Variants in VILL observed in about 807,000 individuals in gnomAD.
The protein encoded by VILL is villin like.
Under a neutral mutation model 106.3 loss-of-function variants are expected in VILL, and 102 were observed. The ratio of observed to expected loss-of-function variants is 0.96; its 90% CI spans 0.82 to 1.13. VILL has a LOEUF of 1.13. VILL is among the 50% of genes most tolerant of loss of function. The probability of loss-of-function intolerance (pLI) is 0.00; values close to 1 mark genes in which losing one functional copy is unlikely to be tolerated. For missense variants in VILL, 1,076 were observed against 1,116.6 expected (o/e 0.96, Z 0.52); for synonymous variants, 431 against 440.3 (o/e 0.98, Z 0.27).
In VILL at chr3:38,002,467, C is replaced by T. The variant is rs1699836053; in HGVS notation, c.1551C>T (p.Asp517=). 3.1e-6 allele frequency: 5 copies of T among 1,614,052 alleles called. No homozygotes were observed. The highest frequency in any genetic ancestry group is 4.2e-6 in the Non-Finnish European group (5 of 1,180,008). The stretch of plus-strand genomic sequence containing the variant: ...GGCTTTTCCAAGTGCAAGGCACTGA[C>T]AGCCACAACACCAGGACCATGGAGG... The part of the protein sequence containing the change: ...TTRLFQVQGT[D]SHNTRTMEVP... Residue 517 remains aspartate (D), a synonymous_variant, in exon 14 of 20, where the codon GAC becomes GAT. Coordinates refer to ENST00000383759, the MANE Select transcript of VILL (RefSeq NM_015873.4).
chr3:38,006,574 T>G lies in VILL; in HGVS notation c.2331T>G (p.Ala777=). The G allele has an allele frequency of 1.2e-6, 2 of 1,614,152 alleles. No homozygotes were observed. The highest frequency in any genetic ancestry group is 1.7e-6 in the Non-Finnish European group (2 of 1,180,022). The change falls in exon 19 of 20, where the codon GCT becomes GCG. Residue 777 remains alanine (A), a synonymous_variant. Transcript: ENST00000383759. Reference sequence around the variant, plus strand: ...ATCTGGTGCGAAGCCCCAAGTCGGCTGGCAGCAGAACCAGCAGCTCCGTCA... The same window carrying G: ...ATCTGGTGCGAAGCCCCAAGTCGGCGGGCAGCAGAACCAGCAGCTCCGTCA... ...ENDLVRSPKS[A]GSRTSSSVSS...
chr3:37,995,886 G>C, intron 5 of VILL, 39 bp downstream of exon 5: 1 of 1,563,518 alleles, frequency 6.4e-7, no homozygotes, highest in Non-Finnish European at 8.8e-7. Context: ...TCTGAACTCG[G>C]CTCAGACTGG....
At chr3:37,991,580 G>A (rs60721494) in intron 1 of VILL, among the ~76,000 whole-genome samples, 2 of 151,808 alleles carry the variant, frequency 1.3e-5, no homozygotes, top group Non-Finnish European at 1.5e-5. Flanking sequence ...AAGCGGAGGC[G>A]TGGGGCATGG....
chr3:38,002,974 C>T, intron 14 of VILL, 194 bp from the exon 15 acceptor site: 1 of 706,724 alleles, frequency 1.4e-6, no homozygotes, highest in Non-Finnish European at 2.3e-6. Context: ...GGTCCCAGAC[C>T]CTGCGATCCA....
upstream of VILL, among the ~76,000 whole-genome samples, chr3:37,989,256 G>A (rs11715770): frequency 0.28 from 42,371 of 151,806 alleles, 7,189 homozygotes; most frequent in African/African-American, 0.48. Flanking sequence ...GGCCTGAGGC[G>A]ATGTTAAATG....
rs1303474863 is a variant in VILL at position 38,000,846 on chromosome 3, G to C, written c.1183-610G>C. The stretch of plus-strand genomic sequence containing the variant: ...TTGTCTCCTGCCATGCAGAGGTGAG[G>C]TAAGGGAGGCGTCATCATCCCCAAT... On this transcript the variant is annotated intron_variant, in intron 11 of 19. Transcript: ENST00000383759. 4 of 456,662 alleles carry C rather than the reference G, an allele frequency of 8.8e-6. No individual in the cohort carries two copies. The East Asian group carries it at 2.8e-4, about 32-fold the overall frequency. 28.3% of individuals were successfully genotyped at this position (456,662 alleles called of 1,614,324 possible). A position where few individuals can be genotyped will look rare whatever the true frequency, so the allele number is the denominator to read the frequency against.
rs780670316 is a variant in VILL, at chr3:38,005,955, G to A, written c.2114G>A (p.Trp705Ter). The part of the protein sequence containing the change: ...PPTFIGWFFT[W>*]DPYKWTSHPS... ...ACCTTCATTGGATGGTTCTTCACTTGGGACCCCTACAAGTGGACTGTGAGT... is the reference window on the plus strand; with the variant it reads ...ACCTTCATTGGATGGTTCTTCACTTAGGACCCCTACAAGTGGACTGTGAGT... Residue 705 changes from tryptophan (W) to a stop codon, truncating the protein, a stop_gained, in exon 17 of 20, where the codon TGG becomes TAG. Coordinates refer to ENST00000383759, the MANE Select transcript of VILL (RefSeq NM_015873.4). LOFTEE classifies it high-confidence loss of function. 1 of 1,612,950 alleles carries A rather than the reference G, an allele frequency of 6.2e-7. No individual in the cohort carries two copies. Among genetic ancestry groups the A allele is most frequent in the South Asian group, 1.1e-5 (1 of 90,970 alleles).
At chr3:37,999,574 G>C (rs1039801670) in intron 11 of VILL, 135 bp downstream of exon 11, 3 of 613,610 alleles carry the variant, frequency 4.9e-6, no homozygotes, top group African/African-American at 1.9e-5. Flanking sequence ...AGGGACACGT[G>C]TACATTTACA....
rs113314441 is a variant in VILL at position 37,995,668 on chromosome 3, A to G, written c.342-71A>G. 3,550 of 1,307,238 alleles carry G rather than the reference A, an allele frequency of 2.7e-3. 62 individuals are homozygous for G. In the African/African-American group the frequency reaches 0.037, roughly 14 times the overall value. 81.0% of individuals were successfully genotyped at this position (1,307,238 alleles called of 1,614,324 possible). The stretch of plus-strand genomic sequence containing the variant: ...CGTGCACGTGCTCACATCTGCAGTC[A>G]TTCATGCACATGGCAGTCTGTGTTC... On this transcript the variant is annotated intron_variant, in intron 4 of 19. Transcript: ENST00000383759.
At chr3:38,004,463 G>T in intron 16 of VILL, 64 bp downstream of exon 16, 1 of 1,566,206 alleles carries the variant, frequency 6.4e-7, no homozygotes. Context: ...TGTGTAACTG[G>T]GTGTGTGTGT....
chr3:38,004,979 G>A lies in VILL; in HGVS notation c.1950+580G>A, dbSNP rs1160724701. Among the ~76,000 whole-genome samples the A allele has an allele frequency of 2.0e-5, 3 of 152,286 alleles. No individual in the cohort carries two copies. In the East Asian group the frequency reaches 5.8e-4, roughly 29 times the overall value. ...TCTGCGCACAGTGGTATAACTGGCC[G>A]GGTGTGCGTGGCTGTGTAAACAAGT... On this transcript the variant is annotated intron_variant, in intron 16 of 19. Transcript: ENST00000383759.
chr3:37,989,458 A>G (rs1699585091), upstream of VILL, among the ~76,000 whole-genome samples: 1 of 152,190 alleles, frequency 6.6e-6, no homozygotes, highest in Admixed American at 6.5e-5. Context: ...TGCCATTTAG[A>G]GGCCTGAAGG....
At chr3:38,003,475 T>C (rs1699857990) in intron 15 of VILL, 162 bp downstream of exon 15, 1 of 960,662 alleles carries the variant, frequency 1.0e-6, no homozygotes, top group Non-Finnish European at 1.5e-6. Context: ...CAGCCCACGC[T>C]TCGCTCCCAG....
Position 37,998,855 on chromosome 3 carries a change from C to T in VILL, c.943-57C>T, listed in dbSNP as rs1575336392. 23 of 1,546,226 alleles carry T rather than the reference C, an allele frequency of 1.5e-5. No individual in the cohort carries two copies. The East Asian group carries it at 5.5e-4, about 37-fold the overall frequency. ...TCCCAGAGCGGTAGGTCCCCAGGAGCGGCAGTGGGGCAGTGGACTCTCAGG... is the reference window on the plus strand; with the variant it reads ...TCCCAGAGCGGTAGGTCCCCAGGAGTGGCAGTGGGGCAGTGGACTCTCAGG... On this transcript the variant is annotated intron_variant, in intron 9 of 19. Transcript: ENST00000383759. This position sits in a 1 kb window ranked among gnomAD's most constrained non-coding sequence, Gnocchi z 4.1.
intron 13 of VILL, chr3:38,002,170 A>T (rs1699830230): frequency 3.2e-6 from 2 of 633,228 alleles, no homozygotes; most frequent in Non-Finnish European, 5.4e-6. Context: ...AACCACTCAG[A>T]GATGGGGGGA....
At chr3:38,001,427 C>T (rs754289792) in intron 11 of VILL, 29 bp from the exon 12 acceptor site, 2 of 1,610,832 alleles carry the variant, frequency 1.2e-6, no homozygotes, top group South Asian at 1.1e-5. Context: ...AGAGCAGCCA[C>T]CTGTGCCCAT....
chr3:37,995,643 C>T lies in VILL; in HGVS notation c.342-96C>T, dbSNP rs534905680. 186 of 980,060 alleles carry T rather than the reference C, an allele frequency of 1.9e-4. 2 individuals are homozygous for T. In the South Asian group the frequency reaches 2.3e-3, roughly 12 times the overall value. 60.7% of individuals were successfully genotyped at this position (980,060 alleles called of 1,614,324 possible). A position where few individuals can be genotyped will look rare whatever the true frequency, so the allele number is the denominator to read the frequency against. The stretch of plus-strand genomic sequence containing the variant: ...AGTGCATGTATGAAGCAGGCACATA[C>T]GTGCACGTGCTCACATCTGCAGTCA... On this transcript the variant is annotated intron_variant, in intron 4 of 19. Coordinates refer to ENST00000383759, the MANE Select transcript of VILL (RefSeq NM_015873.4).
intron 16 of VILL, among the ~76,000 whole-genome samples, chr3:38,004,723 C>T (rs1699882979): frequency 6.6e-6 from 1 of 152,164 alleles, no homozygotes; most frequent in South Asian, 2.1e-4. Flanking sequence ...GAGCATGTGT[C>T]GGTGCTGCAT....
At chr3:37,989,141 T>C (rs1303221527), upstream of VILL, among the ~76,000 whole-genome samples, 3 of 152,046 alleles carry the variant, frequency 2.0e-5, no homozygotes, top group Non-Finnish European at 2.9e-5. Flanking sequence ...GCCAGTGGCT[T>C]GCGGGAGAGA....
Sources: gnomAD v4.1 joint callset for allele counts (sites outside exome capture counted in the v4.1 genomes callset) on GRCh38, gnomAD v4.1.1 for gene constraint, Gnocchi (gnomAD v3.1) non-coding constraint, MANE v1.5 for transcripts, NCBI Gene and HGNC (gene_info 2026-07-23, HGNC 2026-07-21) for gene names.